BMP5: variants seen among roughly 807,000 people sequenced by gnomAD.
BMP5 encodes the protein bone morphogenetic protein 5.
Under a neutral mutation model 46.6 loss-of-function variants are expected in BMP5, and 23 were observed. The observed-to-expected ratio is 0.49, with a 90% CI of 0.35 to 0.70. The LOEUF (loss-of-function observed/expected upper bound fraction) is 0.70, where lower values mean the gene tolerates loss of function less well. Among genes scored for constraint, BMP5 ranks in the 30% least tolerant of loss-of-function variants. The pLI, the probability that BMP5 is intolerant of heterozygous loss-of-function variation, is 0.00. For synonymous variants in BMP5, 204 were observed against 191.9 expected, an observed-to-expected ratio of 1.06 and a Z score of -0.52; for missense variants, 545 against 565.6, an observed-to-expected ratio of 0.96 and a Z score of 0.37.
chr6:55,783,253 T>C (rs892893064), intron 3 of BMP5, among the ~76,000 whole-genome samples: 2 of 152,172 alleles, frequency 1.3e-5, no homozygotes, highest in South Asian at 2.1e-4. Context: ...GAAATTAGCA[T>C]ACATTTTTAA....
chr6:55,803,355 A>G (rs1174681852), intron 2 of BMP5, among the ~76,000 whole-genome samples: 2 of 152,062 alleles, frequency 1.3e-5, no homozygotes, highest in Non-Finnish European at 2.9e-5. Context: ...GGTATAAAAG[A>G]TGTATATTAG....
At chr6:55,846,548 T>A (rs1053365499) in intron 1 of BMP5, among the ~76,000 whole-genome samples, 4 of 151,972 alleles carry the variant, frequency 2.6e-5, no homozygotes, top group Non-Finnish European at 4.4e-5. Flanking sequence ...TCTTGTCATG[T>A]ACTTCTTCTT....
intron 1 of BMP5, among the ~76,000 whole-genome samples, chr6:55,824,153 T>C (rs1387536738): frequency 6.6e-6 from 1 of 151,956 alleles, no homozygotes; most frequent in East Asian, 1.9e-4. Context: ...AAGATCTTTG[T>C]CTTATTCACA....
rs1774524349 is a variant in BMP5, at chr6:55,754,291, A to G, written c.*1242T>C. 6.9e-6 allele frequency: 1 copy of G among 144,836 alleles called. No individual in the cohort carries two copies. The highest frequency in any genetic ancestry group is 7.1e-5 in the Admixed American group (1 of 14,048). 9.0% of individuals were successfully genotyped at this position (144,836 alleles called of 1,614,324 possible). ...TCTAATAGATAGAGAAAATAAATTAATTTTAGAGGGAAGAACACACATGCA... is the reference window on the plus strand; with the variant it reads ...TCTAATAGATAGAGAAAATAAATTAGTTTTAGAGGGAAGAACACACATGCA... On this transcript the variant is annotated 3_prime_UTR_variant, in exon 7 of 7. Transcript: ENST00000370830.
chr6:55,773,134 C>T (rs1775086056), intron 4 of BMP5, among the ~76,000 whole-genome samples: 1 of 151,826 alleles, frequency 6.6e-6, no homozygotes, highest in African/African-American at 2.4e-5. Flanking sequence ...TTAGTTCATC[C>T]ATCATGCCTG....
At chr6:55,786,805 C>G (rs1011333276) in intron 3 of BMP5, among the ~76,000 whole-genome samples, 1 of 151,576 alleles carries the variant, frequency 6.6e-6, no homozygotes, top group African/African-American at 2.4e-5. Flanking sequence ...TATAGATACT[C>G]TCTCATTTGT....
intron 2 of BMP5, among the ~76,000 whole-genome samples, chr6:55,798,706 A>T (rs1267715559): frequency 4.6e-5 from 7 of 152,206 alleles, no homozygotes; most frequent in Admixed American, 4.6e-4. Flanking sequence ...AGTAATATAT[A>T]ATATATACAT....
At chr6:55,819,627 G>A (rs1776360400) in intron 2 of BMP5, 28 bp downstream of exon 2, 2 of 1,549,674 alleles carry the variant, frequency 1.3e-6, no homozygotes, top group Admixed American at 1.7e-5. Context: ...TATTTGCCAG[G>A]ATAATAAGTT....
chr6:55,859,450 T>C (rs1777479474), intron 1 of BMP5, among the ~76,000 whole-genome samples: 1 of 152,174 alleles, frequency 6.6e-6, no homozygotes, highest in African/African-American at 2.4e-5. Flanking sequence ...AATATGACAA[T>C]GAATTGTCTA....
intron 6 of BMP5, among the ~76,000 whole-genome samples, chr6:55,756,653 C>A (rs1219767286): frequency 6.6e-6 from 1 of 151,792 alleles, no homozygotes; most frequent in Admixed American, 6.6e-5. Context: ...AACGTCCTGG[C>A]TGAAATGATA....
intron 1 of BMP5, among the ~76,000 whole-genome samples, chr6:55,851,035 G>C (rs1278132273): frequency 2.0e-5 from 3 of 151,930 alleles, no homozygotes; most frequent in Non-Finnish European, 2.9e-5. Context: ...CTTAAAAGCA[G>C]TTTTGTGTAT....
At chr6:55,860,223 G>A (rs776322910) in intron 1 of BMP5, among the ~76,000 whole-genome samples, 7 of 151,530 alleles carry the variant, frequency 4.6e-5, no homozygotes, top group Non-Finnish European at 7.4e-5. Flanking sequence ...GCAGTGAGCC[G>A]AGATCACACC....
intron 1 of BMP5, among the ~76,000 whole-genome samples, chr6:55,823,453 G>A (rs1776456730): frequency 1.3e-5 from 2 of 151,914 alleles, no homozygotes; most frequent in African/African-American, 2.4e-5. Flanking sequence ...CTGAAGCCAT[G>A]GTAACTTATT....
At chr6:55,850,143 C>T (rs1027648853) in intron 1 of BMP5, among the ~76,000 whole-genome samples, 8 of 152,098 alleles carry the variant, frequency 5.3e-5, no homozygotes, top group African/African-American at 1.9e-4. Context: ...AGTTGCACAA[C>T]CTTTACCAAG....
intron 1 of BMP5, among the ~76,000 whole-genome samples, chr6:55,843,986 C>G (rs1406370318): frequency 1.3e-5 from 2 of 152,008 alleles, no homozygotes; most frequent in African/African-American, 2.4e-5. Context: ...CCATTCACAT[C>G]TCTATGAACA....
At chr6:55,827,139 G>C (rs1249225934) in intron 1 of BMP5, among the ~76,000 whole-genome samples, 5 of 151,766 alleles carry the variant, frequency 3.3e-5, no homozygotes, top group Non-Finnish European at 7.4e-5. Context: ...GATGAACAAA[G>C]TTGGGTGTAT....
At chr6:55,768,523 G>C (rs1244763979) in intron 4 of BMP5, among the ~76,000 whole-genome samples, 1 of 151,872 alleles carries the variant, frequency 6.6e-6, no homozygotes. Flanking sequence ...GGGAGGCTAG[G>C]CTAAGCTATG....
intron 2 of BMP5, among the ~76,000 whole-genome samples, chr6:55,803,302 AAAC>A (rs1775898621): frequency 6.6e-6 from 1 of 152,110 alleles, no homozygotes; most frequent in Admixed American, 6.5e-5. Context: ...GCCTCAAACA[AAAC>A]AAAACAAACA....
chr6:55,858,786 A>G (rs1205773837), intron 1 of BMP5, among the ~76,000 whole-genome samples: 1 of 152,224 alleles, frequency 6.6e-6, no homozygotes, highest in African/African-American at 2.4e-5. Context: ...CATATACACA[A>G]TGGAATACTA....
Sources: gnomAD v4.1 joint callset for allele counts (sites outside exome capture counted in the v4.1 genomes callset) on GRCh38, gnomAD v4.1.1 for gene constraint, MANE v1.5 for transcripts, NCBI Gene and HGNC (gene_info 2026-07-23, HGNC 2026-07-21) for gene names.